PAK1: variants seen among roughly 807,000 people sequenced by gnomAD.
PAK1 encodes serine/threonine-protein kinase PAK 1.
In PAK1, 29 loss-of-function variants were observed where a neutral mutation model predicts 67.4. The observed-to-expected ratio is 0.43, with a 90% CI of 0.32 to 0.59. The LOEUF (loss-of-function observed/expected upper bound fraction) is 0.59. PAK1 is among the 20% of genes least tolerant of loss of function. The pLI, the probability that PAK1 is intolerant of heterozygous loss-of-function variation, is 0.07. For missense variants in PAK1, 337 were observed against 670.7 expected (o/e 0.50, Z 5.50); for synonymous variants, 223 against 237.4 (o/e 0.94, Z 0.56).
In PAK1 at chr11:77,435,258, C is replaced by T. The variant is rs188771871; in HGVS notation, c.-22+38294G>A. ...CTAAACATACCCATACACACATACACAACTATGGTAGAATGGCAAGAATAC... is the reference window on the plus strand; with the variant it reads ...CTAAACATACCCATACACACATACATAACTATGGTAGAATGGCAAGAATAC... On this transcript the variant is annotated intron_variant, in intron 1 of 14. Coordinates refer to ENST00000356341, the MANE Select transcript of PAK1 (RefSeq NM_002576.5). 3.3e-5 allele frequency among the ~76,000 whole-genome samples: 5 copies of T among 152,198 alleles called. No homozygotes were observed. The East Asian group carries it at 7.7e-4, about 23-fold the overall frequency.
chr11:77,479,368 A>C (rs975864736), upstream of PAK1, among the ~76,000 whole-genome samples: 2 of 152,130 alleles, frequency 1.3e-5, no homozygotes, highest in Admixed American at 6.6e-5. Flanking sequence ...AAACTGTCAG[A>C]TAATGAATAT....
the PAK1 span, among the ~76,000 whole-genome samples, chr11:77,505,335 C>T: frequency 6.6e-6 from 1 of 152,088 alleles, no homozygotes; most frequent in Admixed American, 6.6e-5. Context: ...TTACAGGTCC[C>T]TGCCATCAGG....
intron 4 of PAK1, among the ~76,000 whole-genome samples, chr11:77,378,183 G>T (rs1949345327): frequency 6.6e-6 from 1 of 152,186 alleles, no homozygotes; most frequent in African/African-American, 2.4e-5. Context: ...TATTAATTTA[G>T]CATATTAGAA....
chr11:77,375,035 C>T lies in PAK1; in HGVS notation c.440-670G>A, dbSNP rs141168658. ...TAGGCTATGCTAAATTTATTTTAAACTTCAGGAATCACTAGGTGATAAGAA... is the reference window on the plus strand; with the variant it reads ...TAGGCTATGCTAAATTTATTTTAAATTTCAGGAATCACTAGGTGATAAGAA... On this transcript the variant is annotated intron_variant, in intron 4 of 14. Transcript: ENST00000356341. Among the ~76,000 whole-genome samples, 472 of 152,198 alleles carry T rather than the reference C, an allele frequency of 3.1e-3. 7 individuals are homozygous for T. Among genetic ancestry groups the T allele is most frequent in the East Asian group, 0.017 (88 of 5,180 alleles).
At chr11:77,439,660 C>T (rs1224968968) in intron 1 of PAK1, among the ~76,000 whole-genome samples, 2 of 152,192 alleles carry the variant, frequency 1.3e-5, no homozygotes, top group Non-Finnish European at 2.9e-5. Context: ...TCCTGCCCTC[C>T]TTCTATGTCT....
At chr11:77,430,111 A>G (rs897014753) in intron 1 of PAK1, among the ~76,000 whole-genome samples, 2 of 152,156 alleles carry the variant, frequency 1.3e-5, no homozygotes, top group Non-Finnish European at 2.9e-5. Context: ...TCTGAACCTC[A>G]TATTTCCTTC....
the PAK1 span, among the ~76,000 whole-genome samples, chr11:77,504,415 G>C: frequency 6.6e-6 from 1 of 152,050 alleles, no homozygotes; most frequent in Non-Finnish European, 1.5e-5. Context: ...TGTGTTCTTT[G>C]GGTTGAAGTA....
At chr11:77,327,155 TGATTGGTATACCTGAAAGTG>T (rs1940158910) in intron 14 of PAK1, among the ~76,000 whole-genome samples, 1 of 152,214 alleles carries the variant, frequency 6.6e-6, no homozygotes, top group Non-Finnish European at 1.5e-5. Context: ...AATCTACGTC[TGATTGGTATACCTGAAAGTG>T]ACGGGGAGAA....
chr11:77,379,121 G>A (rs1949489028), intron 4 of PAK1, 120 bp downstream of exon 4: 3 of 841,386 alleles, frequency 3.6e-6, no homozygotes, highest in Admixed American at 2.6e-5. Context: ...CCACGTTAAA[G>A]TGCCACTTCC....
intron 13 of PAK1, among the ~76,000 whole-genome samples, chr11:77,335,725 A>G (rs980774681): frequency 6.6e-6 from 1 of 152,218 alleles, no homozygotes; most frequent in African/African-American, 2.4e-5. Flanking sequence ...AAAATAACTT[A>G]TAAGAGAGAA....
chr11:77,471,237 C>A (rs1363877225), intron 1 of PAK1, among the ~76,000 whole-genome samples: 1 of 152,056 alleles, frequency 6.6e-6, no homozygotes, highest in African/African-American at 2.4e-5. Flanking sequence ...TTAAGTGCTA[C>A]GGAAGAAAAA....
At chr11:77,504,083 C>T in the PAK1 span, among the ~76,000 whole-genome samples, 3 of 151,956 alleles carry the variant, frequency 2.0e-5, no homozygotes, top group African/African-American at 7.2e-5. Flanking sequence ...ATAGAGACAG[C>T]GGTTTTACCA....
At chr11:77,369,666 T>G (rs1414740765) in intron 5 of PAK1, among the ~76,000 whole-genome samples, 1 of 151,976 alleles carries the variant, frequency 6.6e-6, no homozygotes, top group Non-Finnish European at 1.5e-5. Flanking sequence ...CAGGCTGGTC[T>G]CGAACTCCTG....
chr11:77,498,046 T>TA, the PAK1 span, among the ~76,000 whole-genome samples: 47 of 152,280 alleles, frequency 3.1e-4, no homozygotes, highest in Non-Finnish European at 6.2e-4. Flanking sequence ...TTTCATTTTT[T>TA]AAAAAATTCT....
chr11:77,368,272 G>A (rs1366385903), intron 5 of PAK1, among the ~76,000 whole-genome samples: 7 of 152,142 alleles, frequency 4.6e-5, no homozygotes, highest in Non-Finnish European at 7.3e-5. Flanking sequence ...AAATGGCTTT[G>A]GACTTAGCAG....
intron 5 of PAK1, among the ~76,000 whole-genome samples, chr11:77,365,532 C>A (rs1029405781): frequency 7.3e-5 from 11 of 151,588 alleles, no homozygotes; most frequent in African/African-American, 2.7e-4. Context: ...AGTAGGAAAA[C>A]ACAAAAAGAT....
upstream of PAK1, among the ~76,000 whole-genome samples, chr11:77,478,540 A>C (rs1254864707): frequency 6.6e-6 from 1 of 152,094 alleles, no homozygotes; most frequent in Non-Finnish European, 1.5e-5. Context: ...TGGGAGGCCA[A>C]GGTGGGTGGA....
intron 6 of PAK1, 23 bp downstream of exon 6, chr11:77,358,875 T>C (rs1449709487): frequency 1.2e-6 from 2 of 1,612,848 alleles, no homozygotes; most frequent in Admixed American, 3.3e-5. Context: ...ATCACAAAAC[T>C]GGCCAGGTCC....
At chr11:77,445,801 G>C (rs1367828205) in intron 1 of PAK1, among the ~76,000 whole-genome samples, 1 of 152,166 alleles carries the variant, frequency 6.6e-6, no homozygotes, top group Non-Finnish European at 1.5e-5. Context: ...CAATCCTGAA[G>C]CGGTATCTTC....
Sources: allele counts gnomAD v4.1 joint callset (sites outside exome capture counted in the v4.1 genomes callset), GRCh38; gene constraint gnomAD v4.1.1; transcripts MANE v1.5; gene names NCBI Gene and HGNC (gene_info 2026-07-23, HGNC 2026-07-21).